SUMO2: variants seen among roughly 807,000 people sequenced by gnomAD.
The protein encoded by SUMO2 is small ubiquitin-related modifier 2.
SUMO2 carries 1 observed loss-of-function variant against 16.0 expected under a neutral mutation model. The observed-to-expected ratio is 0.06, with a 90% confidence interval of 0.02 to 0.30. The LOEUF is 0.30. Among genes scored for constraint, SUMO2 ranks in the 10% least tolerant of loss-of-function variants. The probability of loss-of-function intolerance (pLI) is 1.00; values close to 1 mark genes in which losing one functional copy is unlikely to be tolerated. For synonymous variants in SUMO2, 36 were observed against 40.6 expected, an observed-to-expected ratio of 0.89 and a Z score of 0.43; for missense variants, 16 against 117.5, an observed-to-expected ratio of 0.14 and a Z score of 3.99.
chr17:75,180,950 T>A, intron 2 of SUMO2, 107 bp downstream of exon 2: 1 of 1,321,226 alleles, frequency 7.6e-7, no homozygotes, highest in Non-Finnish European at 1.1e-6. Flanking sequence ...TGCATATTCA[T>A]CCCATCAAAA....
intron 3 of SUMO2, among the ~76,000 whole-genome samples, 154 bp from the exon 4 acceptor site, chr17:75,168,555 T>C (rs901060216): frequency 7.9e-5 from 12 of 152,094 alleles, no homozygotes; most frequent in African/African-American, 2.9e-4. Context: ...TCAACACACT[T>C]GGTTTAAGTA....
chr17:75,177,473 G>A (rs1430076167), intron 2 of SUMO2, among the ~76,000 whole-genome samples: 1 of 152,060 alleles, frequency 6.6e-6, no homozygotes, highest in Non-Finnish European at 1.5e-5. Context: ...GAGGTCAGGA[G>A]TTTCAGAGCA....
intron 3 of SUMO2, among the ~76,000 whole-genome samples, chr17:75,172,365 G>A (rs563810966): frequency 4.2e-5 from 6 of 142,732 alleles, no homozygotes; most frequent in African/African-American, 2.6e-5. Context: ...TGTTACCCAG[G>A]CTGGAGTGCA....
At chr17:75,173,081 G>A (rs973415821) in intron 3 of SUMO2, among the ~76,000 whole-genome samples, 5 of 151,972 alleles carry the variant, frequency 3.3e-5, no homozygotes, top group South Asian at 2.1e-4. Flanking sequence ...GTTTTTACTG[G>A]GTGATAAAGT....
At chr17:75,175,898 G>A (rs902940115) in intron 2 of SUMO2, among the ~76,000 whole-genome samples, 1 of 152,064 alleles carries the variant, frequency 6.6e-6, no homozygotes, top group African/African-American at 2.4e-5. Flanking sequence ...CTCACAAAAC[G>A]CTGGGATTAC....
At chr17:75,175,637 T>A (rs757909666) in intron 2 of SUMO2, among the ~76,000 whole-genome samples, 3 of 150,452 alleles carry the variant, frequency 2.0e-5, no homozygotes, top group Admixed American at 6.6e-5. Context: ...TGTTGTTGTT[T>A]TTGTTTGTTT....
Position 75,176,163 on chromosome 17 carries a change from C to T in SUMO2, c.154-1340G>A, listed in dbSNP as rs146473085. Among the ~76,000 whole-genome samples the T allele has an allele frequency of 1.3e-3, 200 of 152,112 alleles. 1 individual carries two copies. The highest frequency in any genetic ancestry group is 4.8e-3 in the African/African-American group (199 of 41,512). ...CAAGTGACTTTCCTGCCTCAGCCTC[C>T]TCAGTAGCTGGGACTACAGGCTCAT... On this transcript the variant is annotated intron_variant, in intron 2 of 3. Coordinates refer to ENST00000420826, the MANE Select transcript of SUMO2 (RefSeq NM_006937.4).
chr17:75,170,674 C>T (rs563529059), intron 3 of SUMO2, among the ~76,000 whole-genome samples: 37 of 151,758 alleles, frequency 2.4e-4, no homozygotes, highest in Middle Eastern at 3.4e-3. Flanking sequence ...CATAGTGAAA[C>T]CCCGTCTCTA....
At chr17:75,174,491 C>T (rs2074766648) in intron 3 of SUMO2, among the ~76,000 whole-genome samples, 1 of 152,126 alleles carries the variant, frequency 6.6e-6, no homozygotes, top group Non-Finnish European at 1.5e-5. Context: ...ATAATGAGGC[C>T]ACTACACTTC....
chr17:75,181,276 A>T, intron 1 of SUMO2, 88 bp from the exon 2 acceptor site: 1 of 1,384,460 alleles, frequency 7.2e-7, no homozygotes, highest in South Asian at 1.3e-5. Context: ...TTGCTTCAAA[A>T]ATCAACAGGT....
chr17:75,180,410 A>AAC (rs1555655420), intron 2 of SUMO2, among the ~76,000 whole-genome samples: 13 of 144,692 alleles, frequency 9.0e-5, no homozygotes, highest in Middle Eastern at 3.6e-3. Context: ...AAAAAAAAAA[A>AAC]AAAAAAAAAA....
chr17:75,182,782 C>T, intron 1 of SUMO2, 32 bp downstream of exon 1: 1 of 1,331,784 alleles, frequency 7.5e-7, no homozygotes, highest in Non-Finnish European at 9.7e-7. Flanking sequence ...CCCCACCGCG[C>T]GGCGAGGCGA....
intron 3 of SUMO2, among the ~76,000 whole-genome samples, chr17:75,170,394 AC>A (rs1009941259): frequency 2.0e-5 from 3 of 151,522 alleles, no homozygotes; most frequent in African/African-American, 7.3e-5. Flanking sequence ...ACATGGTGAA[AC>A]CCTGTTTCTA....
chr17:75,176,617 A>AAAC (rs150250836), intron 2 of SUMO2, among the ~76,000 whole-genome samples: 28 of 151,552 alleles, frequency 1.8e-4, no homozygotes, highest in East Asian at 4.0e-4. Context: ...TCAATATCAA[A>AAAC]AACAACAACA....
chr17:75,176,036 A>G (rs918636696), intron 2 of SUMO2, among the ~76,000 whole-genome samples: 1 of 150,274 alleles, frequency 6.7e-6, no homozygotes, highest in Non-Finnish European at 1.5e-5. Context: ...TGAGTTAGAC[A>G]AGGAAATGAA....
chr17:75,176,617 A>AAACAAC (rs150250836), intron 2 of SUMO2, among the ~76,000 whole-genome samples: 3 of 151,552 alleles, frequency 2.0e-5, no homozygotes, highest in South Asian at 2.1e-4. Flanking sequence ...TCAATATCAA[A>AAACAAC]AACAACAACA....
At chr17:75,178,767 C>T (rs1384591756) in intron 2 of SUMO2, among the ~76,000 whole-genome samples, 2 of 151,468 alleles carry the variant, frequency 1.3e-5, no homozygotes, top group African/African-American at 2.4e-5. Flanking sequence ...CTGGGCCAGG[C>T]GCAGTGGCTC....
intron 2 of SUMO2, among the ~76,000 whole-genome samples, chr17:75,178,509 C>CAAAAA (rs545816366): frequency 2.7e-5 from 2 of 74,814 alleles, no homozygotes; most frequent in Non-Finnish European, 5.2e-5. Flanking sequence ...GCGAGACTCT[C>CAAAAA]AAAAAAAAAA....
At chr17:75,170,443 G>A (rs768687751) in intron 3 of SUMO2, among the ~76,000 whole-genome samples, 3 of 151,796 alleles carry the variant, frequency 2.0e-5, no homozygotes, top group South Asian at 2.1e-4. Flanking sequence ...GGTTGCGCAC[G>A]CCTGTAGTCC....
Sources: gnomAD v4.1 joint callset for allele counts (sites outside exome capture counted in the v4.1 genomes callset) on GRCh38, gnomAD v4.1.1 for gene constraint, MANE v1.5 for transcripts, NCBI Gene and HGNC (gene_info 2026-07-23, HGNC 2026-07-21) for gene names.